The following RPS6KC1 variants were observed in gnomAD, a reference collection of about 807,000 sequenced individuals.
RPS6KC1 encodes the protein ribosomal protein S6 kinase C1, also known as inactive ribosomal protein S6 kinase delta-1.
A neutral mutation model predicts 103.8 loss-of-function variants in RPS6KC1; 54 were observed. The ratio of observed to expected loss-of-function variants is 0.52; its 90% confidence interval spans 0.42 to 0.65. The LOEUF (loss-of-function observed/expected upper bound fraction) is 0.65. Among genes scored for constraint, RPS6KC1 ranks in the 30% least tolerant of loss-of-function variants. RPS6KC1 has a pLI of 0.00. For synonymous variants in RPS6KC1, 439 were observed against 438.7 expected (o/e 1.00, Z -0.01); for missense variants, 1,151 against 1,253.8 (o/e 0.92, Z 1.24).
At chr1:213,154,223 G>C (rs2089602371) in intron 6 of RPS6KC1, among the ~76,000 whole-genome samples, 1 of 152,222 alleles carries the variant, frequency 6.6e-6, no homozygotes, top group Admixed American at 6.5e-5. Flanking sequence ...ACAGTGCTGG[G>C]TCTTGTCCAA....
intron 6 of RPS6KC1, among the ~76,000 whole-genome samples, chr1:213,134,375 C>A (rs376647873): frequency 4.6e-5 from 7 of 151,856 alleles, no homozygotes; most frequent in African/African-American, 1.4e-4. Context: ...TTCCTCTCCT[C>A]TTCTCTTCTC....
At chr1:213,400,993 C>A in the RPS6KC1 span, among the ~76,000 whole-genome samples, 7 of 152,144 alleles carry the variant, frequency 4.6e-5, no homozygotes, top group Non-Finnish European at 7.3e-5. Context: ...AGGTGTGAGC[C>A]ACCGTGCTCG....
chr1:213,807,067 G>C, the RPS6KC1 span, among the ~76,000 whole-genome samples: 5 of 152,264 alleles, frequency 3.3e-5, no homozygotes, highest in East Asian at 9.7e-4. Context: ...ATGAAATTCT[G>C]GGTTGAAAAT....
chr1:213,399,803 G>A, the RPS6KC1 span, among the ~76,000 whole-genome samples: 1 of 152,182 alleles, frequency 6.6e-6, no homozygotes, highest in African/African-American at 2.4e-5. Flanking sequence ...GGCGGGCCAA[G>A]ATGGCAGATG....
the RPS6KC1 span, among the ~76,000 whole-genome samples, chr1:213,720,843 T>C: frequency 6.6e-6 from 1 of 152,240 alleles, no homozygotes; most frequent in South Asian, 2.1e-4. Flanking sequence ...TCCTTGAGCC[T>C]CATTGCCATC....
chr1:213,174,064 T>A (rs1319989595), intron 7 of RPS6KC1, among the ~76,000 whole-genome samples: 1 of 152,268 alleles, frequency 6.6e-6, no homozygotes, highest in Non-Finnish European at 1.5e-5. Context: ...TCCCTCCTTA[T>A]GACTTTTCCT....
At chr1:213,627,819 G>A in the RPS6KC1 span, among the ~76,000 whole-genome samples, 2 of 152,202 alleles carry the variant, frequency 1.3e-5, no homozygotes, top group Non-Finnish European at 2.9e-5. Context: ...GCTGGATTCA[G>A]TTTGCCAGTA....
At chr1:213,343,504 G>A in the RPS6KC1 span, among the ~76,000 whole-genome samples, 2 of 144,068 alleles carry the variant, frequency 1.4e-5, no homozygotes, top group African/African-American at 5.1e-5. Flanking sequence ...CATTGACCTG[G>A]ATGGAATTGG....
Position 213,230,542 on chromosome 1 carries a change from A to G in RPS6KC1, c.1090A>G (p.Lys364Glu). ...AAGGACAGAACAGACTTTCATTTTAAAAGTAAGTAAAATTTGTAGCCAGGC... is the reference window on the plus strand; with the variant it reads ...AAGGACAGAACAGACTTTCATTTTAGAAGTAAGTAAAATTTGTAGCCAGGC... ...DTRTEQTFIL[K>E]GLRKSSEYSR... The change falls in exon 9 of 15, where the codon AAA becomes GAA. Residue 364 changes from lysine (K) to glutamate (E), a missense_variant and splice_region_variant. This residue lies in a region of RPS6KC1 where 959 missense variants were observed against 1,006.3 expected (regional missense o/e 0.95). Transcript: ENST00000366960. 1 of 1,604,478 alleles carries G rather than the reference A, an allele frequency of 6.2e-7. No homozygotes were observed. The highest frequency in any genetic ancestry group is 8.5e-7 in the Non-Finnish European group (1 of 1,175,004).
chr1:213,405,170 A>G, the RPS6KC1 span, among the ~76,000 whole-genome samples: 1 of 152,212 alleles, frequency 6.6e-6, no homozygotes, highest in African/African-American at 2.4e-5. Context: ...ATCCATGTCT[A>G]TCTATCCTTT....
chr1:213,600,338 A>G, the RPS6KC1 span, among the ~76,000 whole-genome samples: 1 of 152,218 alleles, frequency 6.6e-6, no homozygotes, highest in South Asian at 2.1e-4. Flanking sequence ...AACAGTCCAC[A>G]CACCACAGAG....
chr1:213,056,029 G>T (rs562998602), intron 1 of RPS6KC1, among the ~76,000 whole-genome samples: 2 of 152,166 alleles, frequency 1.3e-5, no homozygotes, highest in South Asian at 4.2e-4. Flanking sequence ...TCAGCCTATT[G>T]CCTGGGATTG....
At chr1:213,255,446 C>G (rs1203128380) in intron 12 of RPS6KC1, among the ~76,000 whole-genome samples, 2 of 152,140 alleles carry the variant, frequency 1.3e-5, no homozygotes, top group Non-Finnish European at 2.9e-5. Flanking sequence ...AAAATAGCCT[C>G]AGAGACTTAC....
At chr1:213,580,951 T>C in the RPS6KC1 span, among the ~76,000 whole-genome samples, 1 of 152,064 alleles carries the variant, frequency 6.6e-6, no homozygotes, top group Non-Finnish European at 1.5e-5. Flanking sequence ...GGTCTGTATC[T>C]CCAAAGTATG....
At chr1:213,770,619 A>C in the RPS6KC1 span, among the ~76,000 whole-genome samples, 8 of 152,160 alleles carry the variant, frequency 5.3e-5, no homozygotes, top group Non-Finnish European at 1.0e-4. Flanking sequence ...ACCCTCCCTC[A>C]TTTAGCTATG....
the RPS6KC1 span, among the ~76,000 whole-genome samples, chr1:213,470,611 A>ATTTTTTTTTTTTTTTTTTTTT: frequency 1.0e-5 from 1 of 99,806 alleles, no homozygotes; most frequent in Admixed American, 1.1e-4. Context: ...TTTATTCTTA[A>ATTTTTTTTTTTTTTTTTTTTT]TTTTTTTTTT....
the RPS6KC1 span, among the ~76,000 whole-genome samples, chr1:213,663,538 A>G: frequency 2.0e-5 from 3 of 152,194 alleles, no homozygotes; most frequent in African/African-American, 4.8e-5. Flanking sequence ...TAGAGTCAAG[A>G]CACCCTAAAT....
the RPS6KC1 span, among the ~76,000 whole-genome samples, chr1:213,787,585 A>G: frequency 6.6e-6 from 1 of 152,176 alleles, no homozygotes; most frequent in East Asian, 1.9e-4. Flanking sequence ...TGGATTAGAT[A>G]TGGGGATGAG....
chr1:213,397,686 G>T, the RPS6KC1 span, among the ~76,000 whole-genome samples: 1 of 151,892 alleles, frequency 6.6e-6, no homozygotes, highest in African/African-American at 2.4e-5. Flanking sequence ...CTGAAATGCT[G>T]GAGGTCAAGG....
Sources: gnomAD v4.1 joint callset for allele counts (sites outside exome capture counted in the v4.1 genomes callset) on GRCh38, gnomAD v4.1.1 for gene constraint, gnomAD v4.1.1 regional missense constraint, MANE v1.5 for transcripts, NCBI Gene and HGNC (gene_info 2026-07-23, HGNC 2026-07-21) for gene names.